The following TUT4 variants were observed in gnomAD, a reference collection of about 807,000 sequenced individuals.
The protein encoded by TUT4 is terminal uridylyl transferase 4, also known as terminal uridylyltransferase 4.
In TUT4, 36 loss-of-function variants were observed where a neutral mutation model predicts 192.2. That is an observed-to-expected ratio of 0.19 (90% CI 0.14 to 0.25). The LOEUF (loss-of-function observed/expected upper bound fraction) is 0.25. TUT4 is among the 10% of genes least tolerant of loss of function. TUT4 has a pLI of 1.00. For missense variants in TUT4, 1,493 were observed against 1,957.2 expected, an observed-to-expected ratio of 0.76 and a Z score of 4.47; for synonymous variants, 618 against 666.0, an observed-to-expected ratio of 0.93 and a Z score of 1.11.
chr1:52,490,788 A>C lies in TUT4; in HGVS notation c.1332T>G (p.Asp444Glu). ...CTTTAGCGTGAAAATCAGATTCCAC[A>C]TCTACATATAATACTAATAAGGAAA... is the stretch of plus-strand genomic sequence containing the variant. ...GILKKNVLYV[D>E]VESDFHAKVP... is the part of the protein sequence containing the mutation. Residue 444 changes from aspartate to glutamate, a missense_variant, in exon 8 of 30, where the codon GAT (aspartate) becomes GAG (glutamate). Coordinates refer to ENST00000257177, the MANE Select transcript of TUT4 (RefSeq NM_001009881.3). 6.2e-7 allele frequency: 1 copy of C among 1,612,358 alleles called. No homozygotes were observed. Among genetic ancestry groups the C allele is most frequent in the Non-Finnish European group, 8.5e-7 (1 of 1,179,226 alleles).
chr1:52,536,699 G>A (rs1002796852), intron 1 of TUT4, among the ~76,000 whole-genome samples: 4 of 151,434 alleles, frequency 2.6e-5, no homozygotes, highest in Non-Finnish European at 4.4e-5. Flanking sequence ...CTAAAAATAC[G>A]AAAAAATAAG....
chr1:52,507,262 T>C (rs1675863456), intron 4 of TUT4, among the ~76,000 whole-genome samples: 1 of 152,226 alleles, frequency 6.6e-6, no homozygotes, highest in African/African-American at 2.4e-5. Flanking sequence ...TGCAGTTTTC[T>C]CATTTTAGTT....
At chr1:52,492,489 T>G (rs1371820673) in intron 7 of TUT4, among the ~76,000 whole-genome samples, 3 of 151,664 alleles carry the variant, frequency 2.0e-5, no homozygotes, top group Non-Finnish European at 4.4e-5. Context: ...TTAGCCTATC[T>G]CATTCTTACA....
At chr1:52,464,870 A>G (rs545316539) in intron 16 of TUT4, 200 bp downstream of exon 16, 419 of 415,398 alleles carry the variant, frequency 1.0e-3, no homozygotes, top group African/African-American at 8.2e-3. Context: ...GTATCATAAA[A>G]TTACTGAAAC....
intron 1 of TUT4, among the ~76,000 whole-genome samples, chr1:52,537,149 G>T (rs2149593822): frequency 6.6e-6 from 1 of 152,140 alleles, no homozygotes; most frequent in Middle Eastern, 3.4e-3. Context: ...GGCAATAATA[G>T]TGAAACTCCA....
At chr1:52,464,863 T>C in intron 16 of TUT4, 3 of 408,862 alleles carry the variant, frequency 7.3e-6, no homozygotes, top group East Asian at 3.8e-5. Flanking sequence ...GGTTTTTGTA[T>C]CATAAAATTA....
rs12123698 is a variant in TUT4, at chr1:52,525,966, C to G, written c.315G>C (p.Pro105=). 1.2e-6 allele frequency: 2 copies of G among 1,613,868 alleles called. No individual in the cohort carries two copies. Among genetic ancestry groups the G allele is most frequent in the Non-Finnish European group, 1.7e-6 (2 of 1,179,968 alleles). Residue 105 remains proline, a synonymous_variant, in exon 2 of 30, where the codon CCG becomes CCC. Transcript: ENST00000257177. The part of the protein sequence containing the change: ...HCKAKKFPNS[P]VKAEKATISQ... ...AAATGGTTGCCTTTTCGGCTTTCAC[C>G]GGTGAATTAGGAAATTTTTTTGCTT...
chr1:52,516,180 T>C (rs1331188243), intron 2 of TUT4, 126 bp from the exon 3 acceptor site: 1 of 805,094 alleles, frequency 1.2e-6, no homozygotes. Flanking sequence ...CTTAGGAAAG[T>C]ATACAAGTTG....
At position 52,516,014 on chromosome 1, in the gene TUT4, T is replaced by C. The variant is rs566142088; in HGVS notation, c.759A>G (p.Ser253=). The C allele has an allele frequency of 6.2e-7, 1 of 1,613,534 alleles. No homozygotes were observed. Among genetic ancestry groups the C allele is most frequent in the Admixed American group, 1.7e-5 (1 of 59,974 alleles). ...TGGCATTTTCTAAGTAGTCCATCTC[T>C]GAAGAATTTTCTTTATTAGATTCAT... is the stretch of plus-strand genomic sequence containing the variant. ...KNDESNKENS[S]EMDYLENATV... The change falls in exon 3 of 30, where the codon TCA becomes TCG. Residue 253 remains serine, a synonymous_variant. Coordinates refer to ENST00000257177, the MANE Select transcript of TUT4 (RefSeq NM_001009881.3).
intron 1 of TUT4, among the ~76,000 whole-genome samples, chr1:52,551,439 ATT>A (rs1689404612): frequency 6.6e-6 from 1 of 152,198 alleles, no homozygotes; most frequent in Admixed American, 6.5e-5. Flanking sequence ...AAATATAAAT[ATT>A]TTTAAAGCAT....
chr1:52,526,052 C>T lies in TUT4; in HGVS notation c.229G>A (p.Ala77Thr), dbSNP rs1419086633. The T allele has an allele frequency of 1.9e-6, 3 of 1,611,612 alleles. No homozygotes were observed. The South Asian group carries it at 3.3e-5, about 18-fold the overall frequency. The change falls in exon 2 of 30, where the codon GCT becomes ACT. Residue 77 changes from alanine to threonine, a missense_variant. Ala to Thr is a moderately conservative substitution (Grantham distance 58). This residue lies in a region of TUT4 where 260 missense variants were observed against 247.8 expected (regional missense o/e 1.05). Transcript: ENST00000257177. ...KTEVKSCKVN[A>T]ANLPGPKDLG... ...TCTTTAGGACCTGGAAGGTTGGCAG[C>T]ATTTACTTTACATGATTTAACTTCT...
intron 4 of TUT4, among the ~76,000 whole-genome samples, chr1:52,500,378 A>G (rs963476477): frequency 2.0e-5 from 3 of 152,218 alleles, no homozygotes; most frequent in African/African-American, 7.2e-5. Context: ...TCACAGTTGT[A>G]ATACTCTGGG....
At chr1:52,522,515 T>C (rs1056615990) in intron 2 of TUT4, among the ~76,000 whole-genome samples, 3 of 152,234 alleles carry the variant, frequency 2.0e-5, no homozygotes, top group Admixed American at 6.5e-5. Flanking sequence ...AAGCAGTTTA[T>C]TGAAGGTTAC....
rs149862044 is a variant in TUT4 at position 52,530,550 on chromosome 1, T to C, written c.-93-4177A>G. On this transcript the variant is annotated intron_variant, in intron 1 of 29. Coordinates refer to ENST00000257177, the MANE Select transcript of TUT4 (RefSeq NM_001009881.3). ...ATAATTAACGATAATCACCCCCACA[T>C]CTTTTCTTGTAAGAGTAGCCAATGT... Among the ~76,000 whole-genome samples, 425 of 152,346 alleles carry C rather than the reference T, an allele frequency of 2.8e-3. 2 individuals carry two copies. The highest frequency in any genetic ancestry group is 4.8e-3 in the Non-Finnish European group (324 of 68,038).
At chr1:52,459,340 G>A (rs1308410092) in intron 19 of TUT4, among the ~76,000 whole-genome samples, 1 of 151,856 alleles carries the variant, frequency 6.6e-6, no homozygotes, top group East Asian at 1.9e-4. Context: ...TGTCATCTCA[G>A]CACTTCGAAA....
At chr1:52,545,841 G>C (rs1465282736) in intron 1 of TUT4, among the ~76,000 whole-genome samples, 2 of 151,768 alleles carry the variant, frequency 1.3e-5, no homozygotes, top group Admixed American at 6.6e-5. Context: ...ATAATAATAG[G>C]CCAGGCGCGA....
chr1:52,502,459 T>A (rs760881209), intron 4 of TUT4, among the ~76,000 whole-genome samples: 5 of 152,148 alleles, frequency 3.3e-5, no homozygotes, highest in Admixed American at 6.5e-5. Context: ...TTTTCCAACA[T>A]AATGAAATGC....
At chr1:52,514,513 T>C (rs985882200) in intron 3 of TUT4, among the ~76,000 whole-genome samples, 1 of 152,154 alleles carries the variant, frequency 6.6e-6, no homozygotes, top group African/African-American at 2.4e-5. Flanking sequence ...GATCTTGTAA[T>C]ACTAACTATA....
chr1:52,438,225 C>T lies in TUT4; in HGVS notation c.3933G>A (p.Arg1311=). ...ATATATATTCATTTGCCAACCTTTTCCTTTTAGGGCAGTCTTTCATGTAGT... is the reference window on the plus strand; with the variant it reads ...ATATATATTCATTTGCCAACCTTTTTCTTTTAGGGCAGTCTTTCATGTAGT... ...IGHYMKDCPK[R]KSSLLFRLKK... The change falls in exon 25 of 30, where the codon AGG becomes AGA. Residue 1311 remains arginine (R), a synonymous_variant. Transcript: ENST00000257177. The T allele has an allele frequency of 6.2e-7, 1 of 1,609,072 alleles. No homozygotes were observed. The highest frequency in any genetic ancestry group is 8.5e-7 in the Non-Finnish European group (1 of 1,178,446).
Sources: allele counts gnomAD v4.1 joint callset (sites outside exome capture counted in the v4.1 genomes callset), GRCh38; gene constraint gnomAD v4.1.1; regional missense constraint gnomAD v4.1.1; transcripts MANE v1.5; gene names NCBI Gene and HGNC (gene_info 2026-07-23, HGNC 2026-07-21).